The following NSL1 variants were observed in gnomAD, a reference collection of about 807,000 sequenced individuals.
The protein encoded by NSL1 is kinetochore-associated protein NSL1 homolog.
In NSL1, 11 loss-of-function variants were observed where a neutral mutation model predicts 25.4. The ratio of observed to expected loss-of-function variants is 0.43; its 90% CI spans 0.27 to 0.72. The LOEUF (loss-of-function observed/expected upper bound fraction) is 0.72, where lower values mean the gene tolerates loss of function less well. Ranked by LOEUF, NSL1 falls within the 30% of genes least tolerant of loss-of-function variation. NSL1 has a pLI of 0.19. For synonymous variants in NSL1, 118 were observed against 120.6 expected (o/e 0.98, Z 0.14); for missense variants, 330 against 342.7 (o/e 0.96, Z 0.29).
intron 4 of NSL1, among the ~76,000 whole-genome samples, chr1:212,774,740 G>C (rs1253310891): frequency 6.6e-6 from 1 of 152,170 alleles, no homozygotes. Flanking sequence ...GAATGTAAAT[G>C]GTGCAGGCAC....
intron 4 of NSL1, among the ~76,000 whole-genome samples, chr1:212,742,746 C>A (rs1658562697): frequency 6.6e-6 from 1 of 152,118 alleles, no homozygotes; most frequent in Non-Finnish European, 1.5e-5. Context: ...GACTGACACT[C>A]AAAACAGGCA....
intron 4 of NSL1, among the ~76,000 whole-genome samples, chr1:212,770,278 G>T (rs1047503289): frequency 1.3e-5 from 2 of 152,072 alleles, no homozygotes; most frequent in Admixed American, 1.3e-4. Flanking sequence ...AAAGATAAAT[G>T]AAACTGATAA....
rs1028095903 is a variant in NSL1, at chr1:212,731,409, G to A, written c.*6999C>T. The A allele has an allele frequency of 2.7e-5, 27 of 984,646 alleles. No homozygotes were observed. Among genetic ancestry groups the A allele is most frequent in the South Asian group, 1.9e-4 (4 of 21,262 alleles). 61.0% of individuals were successfully genotyped at this position (984,646 alleles called of 1,614,324 possible). ...CATCTCTAAAACAAATAAACTAGCC[G>A]GGCATGGTGGCACACGCCTGTTTTG... On this transcript the variant is annotated 3_prime_UTR_variant, in exon 6 of 6. Transcript: ENST00000366977.
rs1008990543 is a variant in NSL1 at position 212,726,931 on chromosome 1, C to G, written c.*11477G>C. On this transcript the variant is annotated 3_prime_UTR_variant, in exon 6 of 6. Coordinates refer to ENST00000366977, the MANE Select transcript of NSL1 (RefSeq NM_015471.4). ...GGACACCAGCACAGCACGGACTTTC[C>G]CGTCCTGTCTCTTCATGGTGGGTGA... The G allele has an allele frequency of 8.9e-5, 43 of 480,636 alleles. No homozygotes were observed. Among genetic ancestry groups the G allele is most frequent in the Admixed American group, 5.6e-4 (15 of 26,834 alleles). 29.8% of individuals were successfully genotyped at this position (480,636 alleles called of 1,614,324 possible).
chr1:212,740,267 C>T (rs543412469), intron 4 of NSL1, among the ~76,000 whole-genome samples: 2 of 152,256 alleles, frequency 1.3e-5, no homozygotes, highest in African/African-American at 4.8e-5. Flanking sequence ...GTTAGGAGGG[C>T]CACATTTTCA....
chr1:212,740,640 C>G (rs1658462426), intron 4 of NSL1, among the ~76,000 whole-genome samples: 1 of 151,946 alleles, frequency 6.6e-6, no homozygotes. Flanking sequence ...AAGTGTATAC[C>G]AAGACACAGG....
At position 212,731,572 on chromosome 1, in the gene NSL1, C is replaced by T; in HGVS notation, c.*6836G>A. The T allele has an allele frequency of 2.0e-6, 2 of 985,374 alleles. No individual in the cohort carries two copies. Among genetic ancestry groups the T allele is most frequent in the South Asian group, 4.7e-5 (1 of 21,286 alleles). 61.0% of individuals were successfully genotyped at this position (985,374 alleles called of 1,614,324 possible). A position where few individuals can be genotyped will look rare whatever the true frequency, so the allele number is the denominator to read the frequency against. ...AATTTTAAAAATCAAATCTATGAGG[C>T]TTCTATCAAAAATTATCAGTCCCTG... On this transcript the variant is annotated 3_prime_UTR_variant, in exon 6 of 6. Coordinates refer to ENST00000366977, the MANE Select transcript of NSL1 (RefSeq NM_015471.4).
chr1:212,755,446 A>G (rs922446627), intron 4 of NSL1, among the ~76,000 whole-genome samples: 1 of 151,776 alleles, frequency 6.6e-6, no homozygotes, highest in Admixed American at 6.6e-5. Flanking sequence ...TACATATATA[A>G]TATTATTTAA....
chr1:212,789,432 G>T (rs1661082122), intron 1 of NSL1, among the ~76,000 whole-genome samples: 2 of 152,126 alleles, frequency 1.3e-5, no homozygotes, highest in South Asian at 4.1e-4. Context: ...GGCTGGTCTG[G>T]AACTCCTGAC....
At chr1:212,755,314 T>C (rs1227917636) in intron 4 of NSL1, among the ~76,000 whole-genome samples, 5 of 152,016 alleles carry the variant, frequency 3.3e-5, no homozygotes, top group African/African-American at 1.2e-4. Flanking sequence ...GTTGAAGGAT[T>C]AGGTTAAAGA....
At chr1:212,744,153 C>T (rs1471051178) in intron 4 of NSL1, among the ~76,000 whole-genome samples, 1 of 152,118 alleles carries the variant, frequency 6.6e-6, no homozygotes, top group African/African-American at 2.4e-5. Context: ...AAGGCAAAGG[C>T]CGTTATGAAC....
chr1:212,731,867 C>T lies in NSL1; in HGVS notation c.*6541G>A, dbSNP rs1658027943. Reference sequence around the variant, plus strand: ...ATCCCTGCCACTCTGGCTGCTCCAGCTCCATGTCCTGGGACACCCTACCCT... The same window carrying T: ...ATCCCTGCCACTCTGGCTGCTCCAGTTCCATGTCCTGGGACACCCTACCCT... On this transcript the variant is annotated 3_prime_UTR_variant, in exon 6 of 6. Coordinates refer to ENST00000366977, the MANE Select transcript of NSL1 (RefSeq NM_015471.4). 1 of 985,278 alleles carries T rather than the reference C, an allele frequency of 1.0e-6. No homozygotes were observed. Among genetic ancestry groups the T allele is most frequent in the Non-Finnish European group, 1.2e-6 (1 of 829,924 alleles). The allele number at this position is 985,278 out of a possible 1,614,324, so 61.0% of individuals were successfully genotyped here.
At chr1:212,770,118 A>T (rs145577649) in intron 4 of NSL1, among the ~76,000 whole-genome samples, 2 of 152,284 alleles carry the variant, frequency 1.3e-5, no homozygotes, top group African/African-American at 4.8e-5. Context: ...CATAATGATA[A>T]AGGGATCAAT....
At chr1:212,767,546 C>T (rs997487813) in intron 4 of NSL1, among the ~76,000 whole-genome samples, 2 of 152,042 alleles carry the variant, frequency 1.3e-5, no homozygotes, top group Admixed American at 6.6e-5. Flanking sequence ...AAAGCAAATG[C>T]AACAAAGACA....
At chr1:212,740,619 A>G (rs1315540972) in intron 4 of NSL1, among the ~76,000 whole-genome samples, 2 of 152,158 alleles carry the variant, frequency 1.3e-5, no homozygotes, top group African/African-American at 2.4e-5. Context: ...TAAGTTCAGC[A>G]TTCAATTGAC....
At chr1:212,772,963 A>G (rs1242006801) in intron 4 of NSL1, among the ~76,000 whole-genome samples, 1 of 152,222 alleles carries the variant, frequency 6.6e-6, no homozygotes, top group Non-Finnish European at 1.5e-5. Context: ...CCTCTTCAAT[A>G]AATGGTGCTG....
chr1:212,749,004 TA>T (rs906769935), intron 4 of NSL1, among the ~76,000 whole-genome samples: 4 of 152,120 alleles, frequency 2.6e-5, no homozygotes, highest in East Asian at 1.9e-4. Context: ...GGCACAGTAT[TA>T]AAAAAATATA....
intron 1 of NSL1, among the ~76,000 whole-genome samples, chr1:212,790,371 A>C (rs1661147169): frequency 6.6e-6 from 1 of 152,074 alleles, no homozygotes; most frequent in South Asian, 2.1e-4. Flanking sequence ...TACAAGACTA[A>C]AATAGGTTAA....
Position 212,787,544 on chromosome 1 carries a change from GA to G in NSL1, c.313+14del. ...ATAACCCAGAAATTAATAATGGAAGGAAAAAGTCACATACCCATAAAACAAT... is the reference window on the plus strand; with the variant it reads ...ATAACCCAGAAATTAATAATGGAAGGAAAAGTCACATACCCATAAAACAAT... On this transcript the variant is annotated intron_variant, in intron 2 of 5. Coordinates refer to ENST00000366977, the MANE Select transcript of NSL1 (RefSeq NM_015471.4). 1 of 1,565,364 alleles carries G rather than the reference GA, an allele frequency of 6.4e-7. No homozygotes were observed.
Sources: gnomAD v4.1 joint callset for allele counts (sites outside exome capture counted in the v4.1 genomes callset) on GRCh38, gnomAD v4.1.1 for gene constraint, MANE v1.5 for transcripts, NCBI Gene and HGNC (gene_info 2026-07-23, HGNC 2026-07-21) for gene names.